GALNT5: variants seen among roughly 807,000 people sequenced by gnomAD.
GALNT5 encodes UDP-GalNAc:polypeptide N-acetylgalactosaminyltransferase 5.
GALNT5 carries 72 observed loss-of-function variants against 85.4 expected under a neutral mutation model. The observed-to-expected ratio is 0.84, with a 90% confidence interval of 0.70 to 1.03. GALNT5 has a LOEUF of 1.03. GALNT5 is among the 50% of genes least tolerant of loss of function. GALNT5 has a pLI of 0.00. For missense variants in GALNT5, 1,137 were observed against 1,135.5 expected, an observed-to-expected ratio of 1.00 and a Z score of -0.02; for synonymous variants, 404 against 397.0, an observed-to-expected ratio of 1.02 and a Z score of -0.21.
At chr2:157,278,513 T>A (rs1342531294) in intron 1 of GALNT5, among the ~76,000 whole-genome samples, 1 of 152,200 alleles carries the variant, frequency 6.6e-6, no homozygotes, top group Admixed American at 6.5e-5. Context: ...TGTTCATTTC[T>A]TTTTCCTCTT....
chr2:157,275,810 C>G lies in GALNT5; in HGVS notation c.1455-8472C>G, dbSNP rs190438238. 1.8e-4 allele frequency among the ~76,000 whole-genome samples: 28 copies of G among 152,178 alleles called. No homozygotes were observed. The East Asian group carries it at 3.9e-3, about 21-fold the overall frequency. ...ACTTCTTCTTTTCCTAATTGAATACCCTTTATTTCTTTCTCTTGCCAGATT... is the reference window on the plus strand; with the variant it reads ...ACTTCTTCTTTTCCTAATTGAATACGCTTTATTTCTTTCTCTTGCCAGATT... On this transcript the variant is annotated intron_variant, in intron 1 of 9. Transcript: ENST00000259056.
chr2:157,262,257 A>C (rs1264820508), intron 1 of GALNT5, among the ~76,000 whole-genome samples: 3 of 151,916 alleles, frequency 2.0e-5, no homozygotes, highest in Non-Finnish European at 2.9e-5. Flanking sequence ...ATTTAAATTC[A>C]ACTTCACCCA....
At position 157,267,929 on chromosome 2, in the gene GALNT5, G is replaced by C. The variant is rs1021252026; in HGVS notation, c.1454+8393G>C. Reference sequence around the variant, plus strand: ...ACTGTACCTTCTTATCAGTGAGAGGGAAAGCAGCCCCAACAATTCTAAGGT... The same window carrying C: ...ACTGTACCTTCTTATCAGTGAGAGGCAAAGCAGCCCCAACAATTCTAAGGT... On this transcript the variant is annotated intron_variant, in intron 1 of 9. Coordinates refer to ENST00000259056, the MANE Select transcript of GALNT5 (RefSeq NM_014568.3). 8.5e-5 allele frequency among the ~76,000 whole-genome samples: 13 copies of C among 152,108 alleles called. 1 individual carries two copies. The highest frequency in any genetic ancestry group is 2.6e-4 in the Admixed American group (4 of 15,266).
chr2:157,285,072 C>T (rs1365271565), intron 2 of GALNT5, among the ~76,000 whole-genome samples: 1 of 152,218 alleles, frequency 6.6e-6, no homozygotes. Flanking sequence ...AGCCACATTA[C>T]AAATTCCCAA....
At chr2:157,294,292 T>TGGATC (rs1253997154) in intron 3 of GALNT5, among the ~76,000 whole-genome samples, 4 of 152,180 alleles carry the variant, frequency 2.6e-5, no homozygotes, top group African/African-American at 9.7e-5. Flanking sequence ...TGCTGAGTGA[T>TGGATC]GGATCAGAGC....
Position 157,258,827 on chromosome 2 carries a change from T to C in GALNT5, c.745T>C (p.Ser249Pro). 6.3e-7 allele frequency: 1 copy of C among 1,589,054 alleles called. No individual in the cohort carries two copies. The highest frequency in any genetic ancestry group is 8.6e-7 in the Non-Finnish European group (1 of 1,166,024). ...AHPASTAVPK[S>P]GEAMALNKTK... The stretch of plus-strand genomic sequence containing the variant: ...CCCTGCCAGCACAGCAGTGCCGAAG[T>C]CTGGGGAAGCCATGGCCTTAAACAA... Residue 249 changes from serine (S) to proline (P), a missense_variant, in exon 1 of 10, where the codon TCT (serine) becomes CCT (proline). Physicochemically the swap from Ser to Pro is moderately conservative, Grantham distance 74. Coordinates refer to ENST00000259056, the MANE Select transcript of GALNT5 (RefSeq NM_014568.3).
Position 157,308,631 on chromosome 2 carries a change from T to C in GALNT5, c.2585T>C (p.Ile862Thr), listed in dbSNP as rs1408068989. ...TGTGGAGAATGGTGTATAGCCCCCATCCCTGATAAAGGAGCCGTAAGGCTG... is the reference window on the plus strand; with the variant it reads ...TGTGGAGAATGGTGTATAGCCCCCACCCCTGATAAAGGAGCCGTAAGGCTG... ...IKCGEWCIAP[I>T]PDKGAVRLHP... The change falls in exon 9 of 10, where the codon ATC (isoleucine) becomes ACC (threonine). Residue 862 changes from isoleucine to threonine, a missense_variant. By Grantham distance (89) the Ile-to-Thr change is moderately conservative. Transcript: ENST00000259056. 5.0e-6 allele frequency: 8 copies of C among 1,613,446 alleles called. No individual in the cohort carries two copies. Among genetic ancestry groups the C allele is most frequent in the Non-Finnish European group, 6.8e-6 (8 of 1,179,534 alleles).
rs368588938 is a variant in GALNT5, at chr2:157,286,589, C to T, written c.1741+455C>T. 7.9e-5 allele frequency among the ~76,000 whole-genome samples: 12 copies of T among 152,200 alleles called. No individual in the cohort carries two copies. The South Asian group carries it at 1.5e-3, about 18-fold the overall frequency. ...TGCCATCTCAGCTCACCACAACCTC[C>T]GCCTCCCTCGTTCACACCGTTCTCC... On this transcript the variant is annotated intron_variant, in intron 3 of 9. Transcript: ENST00000259056.
intron 9 of GALNT5, among the ~76,000 whole-genome samples, chr2:157,310,629 T>C (rs1320196306): frequency 2.0e-5 from 3 of 152,218 alleles, no homozygotes; most frequent in Admixed American, 1.3e-4. Context: ...GTCTATCTAA[T>C]TTATCTACCA....
chr2:157,293,277 G>A (rs924666693), intron 3 of GALNT5, among the ~76,000 whole-genome samples: 8 of 152,210 alleles, frequency 5.3e-5, no homozygotes, highest in African/African-American at 1.9e-4. Flanking sequence ...CAGATTCGGT[G>A]TCTAGTGACA....
intron 1 of GALNT5, among the ~76,000 whole-genome samples, chr2:157,271,854 T>C (rs1342200935): frequency 1.3e-5 from 2 of 152,174 alleles, no homozygotes; most frequent in Non-Finnish European, 2.9e-5. Flanking sequence ...GAAGATATTA[T>C]CACACTTAAA....
At chr2:157,299,258 G>T in intron 5 of GALNT5, 1 of 250,984 alleles carries the variant, frequency 4.0e-6, no homozygotes. Flanking sequence ...TACTCCCTTA[G>T]CCCTGAATAA....
intron 1 of GALNT5, 121 bp from the exon 2 acceptor site, chr2:157,284,161 G>T: frequency 1.4e-6 from 1 of 730,752 alleles, no homozygotes; most frequent in Non-Finnish European, 2.4e-6. Context: ...AGATAGACCA[G>T]ACAGATCGAT....
chr2:157,294,887 G>C (rs1683179526), intron 3 of GALNT5, among the ~76,000 whole-genome samples: 1 of 152,002 alleles, frequency 6.6e-6, no homozygotes, highest in Non-Finnish European at 1.5e-5. Flanking sequence ...GAGAGAGAGA[G>C]AGAGAGTGTT....
At chr2:157,285,923 A>G (rs1490617197) in intron 2 of GALNT5, 92 bp from the exon 3 acceptor site, 8 of 778,034 alleles carry the variant, frequency 1.0e-5, no homozygotes, top group Non-Finnish European at 1.7e-5. Context: ...GTAATGTCAT[A>G]GTTTTTGGCA....
At position 157,290,112 on chromosome 2, in the gene GALNT5, T is replaced by TATATATATATATACACAC. The variant is rs1416458086; in HGVS notation, c.1741+3979_1741+3980insTATATATATATACACACA. On this transcript the variant is annotated intron_variant, in intron 3 of 9. Coordinates refer to ENST00000259056, the MANE Select transcript of GALNT5 (RefSeq NM_014568.3). The stretch of plus-strand genomic sequence containing the variant: ...GTATATATATATATATATATATATA[T>TATATATATATATACACAC]ACATACACAAACACATATATACATA... 1.3e-3 allele frequency among the ~76,000 whole-genome samples: 178 copies of TATATATATATATACACAC among 138,156 alleles called. 1 individual carries two copies. The highest frequency in any genetic ancestry group is 7.3e-3 in the East Asian group (35 of 4,782). The allele number at this position is 138,156 out of a possible 152,430, so 90.6% of individuals were successfully genotyped here.
At position 157,258,059 on chromosome 2, in the gene GALNT5, G is replaced by A. The variant is rs1682226137; in HGVS notation, c.-24G>A. The A allele has an allele frequency of 1.2e-6, 2 of 1,609,928 alleles. No homozygotes were observed. Among genetic ancestry groups the A allele is most frequent in the African/African-American group, 2.7e-5 (2 of 74,896 alleles). On this transcript the variant is annotated 5_prime_UTR_variant, in exon 1 of 10. Transcript: ENST00000259056. Reference sequence around the variant, plus strand: ...AAGGTAAGCAGGCTAAGGGAGGGCAGGCTGCTAGGGAAAGCTTTGTACCAT... The same window carrying A: ...AAGGTAAGCAGGCTAAGGGAGGGCAAGCTGCTAGGGAAAGCTTTGTACCAT...
At position 157,308,734 on chromosome 2, in the gene GALNT5, C is replaced by G. The variant is rs777009184; in HGVS notation, c.2682+6C>G. On this transcript the variant is annotated splice_donor_region_variant and intron_variant, in intron 9 of 9. Coordinates refer to ENST00000259056, the MANE Select transcript of GALNT5 (RefSeq NM_014568.3). ...CAGTCTTTCATCCAGAACTGGTAAG[C>G]AAAAGATTGGTACCTCTTCTTTACC... 1.2e-5 allele frequency: 20 copies of G among 1,604,250 alleles called. No homozygotes were observed. In the Admixed American group the frequency reaches 3.1e-4, roughly 25 times the overall value.
At chr2:157,278,926 C>T (rs1243383369) in intron 1 of GALNT5, among the ~76,000 whole-genome samples, 1 of 152,162 alleles carries the variant, frequency 6.6e-6, no homozygotes, top group African/African-American at 2.4e-5. Context: ...AGCTTTTCTG[C>T]CCTGGTTTCT....
Sources: allele counts gnomAD v4.1 joint callset (sites outside exome capture counted in the v4.1 genomes callset), GRCh38; gene constraint gnomAD v4.1.1; transcripts MANE v1.5; gene names NCBI Gene and HGNC (gene_info 2026-07-23, HGNC 2026-07-21).